The following SLFN12L variants were observed in gnomAD, a reference collection of about 807,000 sequenced individuals.
SLFN12L encodes schlafen family member 12-like.
Under a neutral mutation model 34.8 loss-of-function variants are expected in SLFN12L, and 34 were observed. The ratio of observed to expected loss-of-function variants is 0.98; its 90% CI spans 0.74 to 1.30. The LOEUF (loss-of-function observed/expected upper bound fraction) is 1.30, where lower values mean the gene tolerates loss of function less well. Among genes scored for constraint, SLFN12L ranks in the 50% most tolerant of loss-of-function variants. The probability of loss-of-function intolerance (pLI) is 0.00; values close to 1 mark genes in which losing one functional copy is unlikely to be tolerated. For missense variants in SLFN12L, 703 were observed against 696.2 expected, an observed-to-expected ratio of 1.01 and a Z score of -0.11; for synonymous variants, 259 against 247.5, an observed-to-expected ratio of 1.05 and a Z score of -0.44.
chr17:35,497,711 T>C (rs1270398900), intron 2 of SLFN12L, among the ~76,000 whole-genome samples: 2 of 152,180 alleles, frequency 1.3e-5, no homozygotes, highest in African/African-American at 4.8e-5. Flanking sequence ...TCAAAGAAAA[T>C]GTTTATTTCA....
At chr17:35,485,616 C>A (rs573681411) in intron 2 of SLFN12L, among the ~76,000 whole-genome samples, 12 of 152,264 alleles carry the variant, frequency 7.9e-5, no homozygotes, top group African/African-American at 2.9e-4. Flanking sequence ...AGAGTATATC[C>A]TAGATTTTCT....
chr17:35,466,901 GCTTTCACAGATT>G lies in SLFN12L; in HGVS notation c.*8010_*8021del, dbSNP rs1323768273. On this transcript the variant is annotated 3_prime_UTR_variant, in exon 5 of 5. Transcript: ENST00000628453. ...ATACTGGGCTCTCCTGGACATAGAG[GCTTTCACAGATT>G]CTGAGTCTGTGACCCTCCATACCTG... Among the ~76,000 whole-genome samples the G allele has an allele frequency of 6.6e-6, 1 of 152,138 alleles. No individual in the cohort carries two copies. The highest frequency in any genetic ancestry group is 1.5e-5 in the Non-Finnish European group (1 of 68,032).
chr17:35,523,216 A>G (rs903894060), intron 1 of SLFN12L, among the ~76,000 whole-genome samples: 2 of 152,168 alleles, frequency 1.3e-5, no homozygotes, highest in African/African-American at 4.8e-5. Context: ...CTCATTTGTA[A>G]AACAAAACTA....
intron 2 of SLFN12L, among the ~76,000 whole-genome samples, chr17:35,494,888 ATTTTATTTAT>A (rs994535472): frequency 7.4e-6 from 1 of 134,820 alleles, no homozygotes; most frequent in African/African-American, 2.9e-5. Context: ...TAATTTATTT[ATTTTATTTAT>A]TTATTTATTT....
chr17:35,491,705 T>C (rs1271011701), intron 2 of SLFN12L, among the ~76,000 whole-genome samples: 1 of 152,252 alleles, frequency 6.6e-6, no homozygotes, highest in Non-Finnish European at 1.5e-5. Flanking sequence ...TGATATGGAA[T>C]GGAACTGCAG....
At position 35,522,826 on chromosome 17, in the gene SLFN12L, C is replaced by T; in HGVS notation, c.-462G>A. On this transcript the variant is annotated 5_prime_UTR_variant, in exon 2 of 5. Transcript: ENST00000628453. ...CCTGGCTTCTCCTGCAAATTCAGGT[C>T]CACAGCCTAGCTTCTAGAGAGGATC... 7.4e-7 allele frequency: 1 copy of T among 1,349,242 alleles called. No homozygotes were observed. Among genetic ancestry groups the T allele is most frequent in the Non-Finnish European group, 1.1e-6 (1 of 951,152 alleles). The allele number at this position is 1,349,242 out of a possible 1,614,324, so 83.6% of individuals were successfully genotyped here.
intron 1 of SLFN12L, among the ~76,000 whole-genome samples, chr17:35,529,749 C>T (rs993173849): frequency 3.3e-5 from 5 of 151,914 alleles, no homozygotes; most frequent in Non-Finnish European, 4.4e-5. Flanking sequence ...ATGTGGGTGA[C>T]GGGTTGGTGG....
chr17:35,507,255 T>C (rs1217810803), intron 2 of SLFN12L, among the ~76,000 whole-genome samples: 1 of 152,212 alleles, frequency 6.6e-6, no homozygotes, highest in African/African-American at 2.4e-5. Flanking sequence ...GGAAAGATGA[T>C]GAATGGCCCC....
At chr17:35,477,831 T>C (rs1277892796) in intron 4 of SLFN12L, among the ~76,000 whole-genome samples, 2 of 152,166 alleles carry the variant, frequency 1.3e-5, no homozygotes, top group Non-Finnish European at 2.9e-5. Flanking sequence ...CTATCTACTT[T>C]GGAAATAATT....
intron 2 of SLFN12L, chr17:35,498,595 T>A: frequency 6.3e-7 from 1 of 1,597,360 alleles, no homozygotes; most frequent in Non-Finnish European, 8.6e-7. Context: ...CATGGAATGT[T>A]TCTGCAGAAA....
intron 1 of SLFN12L, among the ~76,000 whole-genome samples, chr17:35,528,902 A>G (rs1443785041): frequency 1.3e-5 from 2 of 152,258 alleles, no homozygotes; most frequent in Admixed American, 6.5e-5. Flanking sequence ...CAGAGTGAAC[A>G]GGCAATCTAC....
At chr17:35,498,391 C>T (rs1915172923) in intron 2 of SLFN12L, 13 of 1,233,178 alleles carry the variant, frequency 1.1e-5, no homozygotes, top group East Asian at 7.0e-5. Flanking sequence ...GACATAGTGT[C>T]TGCAGTCCCT....
At chr17:35,482,893 C>T (rs1209371968) in intron 2 of SLFN12L, among the ~76,000 whole-genome samples, 1 of 152,110 alleles carries the variant, frequency 6.6e-6, no homozygotes, top group African/African-American at 2.4e-5. Context: ...GCATGTGGAC[C>T]AATGGCACAC....
At chr17:35,523,664 G>A (rs1055533696) in intron 1 of SLFN12L, among the ~76,000 whole-genome samples, 17 of 152,098 alleles carry the variant, frequency 1.1e-4, no homozygotes, top group Non-Finnish European at 8.8e-5. Context: ...GGCTGGGTGC[G>A]GTGGCTCACT....
intron 2 of SLFN12L, chr17:35,515,077 G>A (rs1262468284): frequency 6.5e-6 from 4 of 619,142 alleles, no homozygotes; most frequent in South Asian, 1.4e-5. Context: ...TATTCTGGAC[G>A]CCTATTCTTT....
At chr17:35,532,937 T>G (rs2072425759) in intron 1 of SLFN12L, among the ~76,000 whole-genome samples, 1 of 152,126 alleles carries the variant, frequency 6.6e-6, no homozygotes, top group Non-Finnish European at 1.5e-5. Context: ...AATCATATAA[T>G]TATCACATTA....
rs992512180 is a variant in SLFN12L at position 35,472,372 on chromosome 17, C to T, written c.*2551G>A. Among the ~76,000 whole-genome samples, 2 of 152,162 alleles carry T rather than the reference C, an allele frequency of 1.3e-5. No homozygotes were observed. Among genetic ancestry groups the T allele is most frequent in the African/African-American group, 4.8e-5 (2 of 41,426 alleles). On this transcript the variant is annotated 3_prime_UTR_variant, in exon 5 of 5. Coordinates refer to ENST00000628453, the MANE Select transcript of SLFN12L (RefSeq NM_001363830.2). ...ATATGGCTAGCCAGTTCTCCCAGCA[C>T]CATTTATTGAATAGAAGATCCTTTC...
At chr17:35,493,047 G>A (rs1372547300) in intron 2 of SLFN12L, among the ~76,000 whole-genome samples, 5 of 152,150 alleles carry the variant, frequency 3.3e-5, no homozygotes, top group South Asian at 2.1e-4. Context: ...ATGCAAAGTG[G>A]TGGTGGGGTC....
intron 2 of SLFN12L, among the ~76,000 whole-genome samples, chr17:35,480,827 G>A (rs965232516): frequency 3.3e-5 from 5 of 151,918 alleles, no homozygotes; most frequent in Non-Finnish European, 2.9e-5. Flanking sequence ...ATCGTGGGTG[G>A]CAAGCCACCC....
Sources: gnomAD v4.1 joint callset for allele counts (sites outside exome capture counted in the v4.1 genomes callset) on GRCh38, gnomAD v4.1.1 for gene constraint, MANE v1.5 for transcripts, NCBI Gene and HGNC (gene_info 2026-07-23, HGNC 2026-07-21) for gene names.